Variants in LRRC37A observed in about 807,000 individuals in gnomAD.
LRRC37A encodes the protein leucine-rich repeat-containing protein 37A.
In LRRC37A, 3 loss-of-function variants were observed where a neutral mutation model predicts 35.4. The ratio of observed to expected loss-of-function variants is 0.08; its 90% CI spans 0.04 to 0.22. LRRC37A has a LOEUF of 0.22. Ranked by LOEUF, LRRC37A falls within the 10% of genes least tolerant of loss-of-function variation. The pLI, the probability that LRRC37A is intolerant of heterozygous loss-of-function variation, is 1.00. For missense variants in LRRC37A, 67 were observed against 565.3 expected (o/e 0.12, Z 8.94); for synonymous variants, 23 against 215.0 (o/e 0.11, Z 7.81).
the LRRC37A span, among the ~76,000 whole-genome samples, chr17:46,263,031 G>A: frequency 6.6e-6 from 1 of 152,108 alleles, no homozygotes; most frequent in Non-Finnish European, 1.5e-5. Context: ...TGGCCAACAT[G>A]GTGAAACCCC....
At chr17:46,284,429 C>A in the LRRC37A span, among the ~76,000 whole-genome samples, 2 of 152,236 alleles carry the variant, frequency 1.3e-5, no homozygotes, top group African/African-American at 2.4e-5. Flanking sequence ...CAGCACATGT[C>A]TCAGAGAGCA....
At chr17:46,251,399 T>C in the LRRC37A span, among the ~76,000 whole-genome samples, 3 of 152,044 alleles carry the variant, frequency 2.0e-5, no homozygotes, top group African/African-American at 2.4e-5. Flanking sequence ...GCTGGGATTA[T>C]GGGCATGCAC....
chr17:46,258,509 G>A, the LRRC37A span, among the ~76,000 whole-genome samples: 11,155 of 136,422 alleles, frequency 0.082, no homozygotes, highest in Middle Eastern at 0.14. Context: ...ACGCCTGGCC[G>A]AAAAAGATTC....
upstream of LRRC37A, among the ~76,000 whole-genome samples, chr17:46,291,940 A>G (rs1226109270): frequency 1.4e-5 from 2 of 147,878 alleles, no homozygotes; most frequent in African/African-American, 2.5e-5. Context: ...CAGCCTAGGA[A>G]AAAGAATAAG....
At chr17:46,268,717 G>A in the LRRC37A span, 1 of 1,417,468 alleles carries the variant, frequency 7.1e-7, no homozygotes, top group Non-Finnish European at 9.3e-7. Flanking sequence ...GGCATTTCTG[G>A]ATCACAAGAG....
chr17:46,280,534 AG>A, the LRRC37A span, among the ~76,000 whole-genome samples: 1 of 151,908 alleles, frequency 6.6e-6, no homozygotes, highest in Non-Finnish European at 1.5e-5. Flanking sequence ...ATTATTAAAA[AG>A]AAAAAAATTT....
At chr17:46,275,493 T>A in the LRRC37A span, 1 of 654,318 alleles carries the variant, frequency 1.5e-6, no homozygotes, top group Non-Finnish European at 2.6e-6. Context: ...GATGCCAAAG[T>A]AAATAAATCT....
chr17:46,324,026 C>A (rs1264710658), intron 7 of LRRC37A, among the ~76,000 whole-genome samples: 1 of 112,108 alleles, frequency 8.9e-6, no homozygotes, highest in African/African-American at 3.0e-5. Flanking sequence ...TGGAGCCAAT[C>A]CCCTGCAGAC....
intron 5 of LRRC37A, chr17:46,310,352 CT>C (rs2050727208): frequency 7.9e-6 from 1 of 126,152 alleles, no homozygotes; most frequent in African/African-American, 2.7e-5. Flanking sequence ...GGCAGAACCA[CT>C]TACAAGCTTT....
the LRRC37A span, chr17:46,259,508 C>G: frequency 5.4e-3 from 8,636 of 1,590,254 alleles, 524 homozygotes; most frequent in African/African-American, 0.09. Flanking sequence ...GATACAGGCT[C>G]TGCATGCCCA....
At chr17:46,270,211 G>A in the LRRC37A span, among the ~76,000 whole-genome samples, 1 of 152,218 alleles carries the variant, frequency 6.6e-6, no homozygotes, top group East Asian at 1.9e-4. Context: ...AGGTCAGAAT[G>A]TGTCCTGACG....
At chr17:46,311,150 A>C in intron 5 of LRRC37A, 1 of 358,364 alleles carries the variant, frequency 2.8e-6, no homozygotes, top group African/African-American at 2.6e-5. Context: ...AAAAAAAAAA[A>C]AAAAAAAGGA....
the LRRC37A span, among the ~76,000 whole-genome samples, chr17:46,270,915 G>GTA: frequency 1.3e-5 from 2 of 152,176 alleles, no homozygotes; most frequent in Non-Finnish European, 2.9e-5. Context: ...ACAACAAAAA[G>GTA]TATATCTATA....
At chr17:46,264,575 G>A in the LRRC37A span, among the ~76,000 whole-genome samples, 2 of 152,232 alleles carry the variant, frequency 1.3e-5, no homozygotes, top group Admixed American at 1.3e-4. Context: ...GACGTGAGTT[G>A]CATTTCTGAG....
At chr17:46,268,732 C>T in the LRRC37A span, 6 of 1,356,316 alleles carry the variant, frequency 4.4e-6, no homozygotes, top group South Asian at 1.7e-5. Flanking sequence ...CAAGAGACAT[C>T]GGCAACAAGA....
At chr17:46,285,429 A>T in the LRRC37A span, among the ~76,000 whole-genome samples, 8 of 151,924 alleles carry the variant, frequency 5.3e-5, 1 homozygote, top group East Asian at 1.6e-3. Flanking sequence ...TTTAGTAGAG[A>T]CGGGGTTTCA....
the LRRC37A span, among the ~76,000 whole-genome samples, chr17:46,281,493 G>C: frequency 6.6e-6 from 1 of 151,970 alleles, no homozygotes; most frequent in Non-Finnish European, 1.5e-5. Flanking sequence ...GGGCACAAGT[G>C]ATCACAGCTC....
the LRRC37A span, among the ~76,000 whole-genome samples, chr17:46,252,266 A>ATAAT: frequency 1.3e-5 from 2 of 151,898 alleles, no homozygotes; most frequent in Non-Finnish European, 2.9e-5. Context: ...GTGCAGTGGC[A>ATAAT]TAATCTCAGT....
the LRRC37A span, among the ~76,000 whole-genome samples, chr17:46,250,693 TTAA>T: frequency 2.6e-5 from 4 of 152,246 alleles, no homozygotes; most frequent in Non-Finnish European, 4.4e-5. Flanking sequence ...GAGTTAATAC[TTAA>T]TAAACTCCTG....
Sources: allele counts gnomAD v4.1 joint callset (sites outside exome capture counted in the v4.1 genomes callset), GRCh38; gene constraint gnomAD v4.1.1; transcripts MANE v1.5; gene names NCBI Gene and HGNC (gene_info 2026-07-23, HGNC 2026-07-21).